ATG2B: variants seen among roughly 807,000 people sequenced by gnomAD.
ATG2B encodes autophagy-related protein 2 homolog B.
In ATG2B, 121 loss-of-function variants were observed where a neutral mutation model predicts 241.3. The observed-to-expected ratio is 0.50, with a 90% confidence interval of 0.43 to 0.58. The LOEUF (loss-of-function observed/expected upper bound fraction) is 0.58. ATG2B is among the 20% of genes least tolerant of loss of function. The pLI is 0.00. For synonymous variants in ATG2B, 858 were observed against 876.6 expected, an observed-to-expected ratio of 0.98 and a Z score of 0.37; for missense variants, 2,306 against 2,491.6, an observed-to-expected ratio of 0.93 and a Z score of 1.59.
At chr14:96,340,067 T>TC in intron 6 of ATG2B, among the ~76,000 whole-genome samples, 1 of 107,952 alleles carries the variant, frequency 9.3e-6, no homozygotes, top group Admixed American at 1.0e-4. Context: ...ATATATGCTA[T>TC]ATGTGATATG....
At chr14:96,292,249 T>G in intron 36 of ATG2B, 151 bp from the exon 37 acceptor site, 1 of 500,956 alleles carries the variant, frequency 2.0e-6, no homozygotes, top group South Asian at 3.5e-5. Flanking sequence ...GAGAATGTCT[T>G]TTAGCTCTAT....
At chr14:96,299,763 T>C (rs199921467) in intron 34 of ATG2B, among the ~76,000 whole-genome samples, 1 of 152,310 alleles carries the variant, frequency 6.6e-6, no homozygotes, top group East Asian at 1.9e-4. Flanking sequence ...TCAATGGCAA[T>C]GCAGCTTTTT....
Position 96,281,142 on chromosome 14 carries a change from C to G in ATG2B, c.*4613G>C, listed in dbSNP as rs952529488. 7 of 152,142 alleles carry G rather than the reference C, an allele frequency of 4.6e-5. No individual in the cohort carries two copies. Among genetic ancestry groups the G allele is most frequent in the Admixed American group, 4.6e-4 (7 of 15,282 alleles). 9.4% of individuals were successfully genotyped at this position (152,142 alleles called of 1,614,324 possible). ...TCTGCTATCAGAAGCATCAGGGGCA[C>G]TGGAACATCATTTCCCAATAACAAG... On this transcript the variant is annotated 3_prime_UTR_variant, in exon 42 of 42. Coordinates refer to ENST00000359933, the MANE Select transcript of ATG2B (RefSeq NM_018036.7).
Position 96,317,336 on chromosome 14 carries a change from C to T in ATG2B, c.3038-19G>A, listed in dbSNP as rs768790839. ...TCCTCATCTATGAGAAATAAACATA[C>T]AATTACATTCTGATAGCATATTAAA... On this transcript the variant is annotated intron_variant, in intron 19 of 41. Coordinates refer to ENST00000359933, the MANE Select transcript of ATG2B (RefSeq NM_018036.7). The T allele has an allele frequency of 1.3e-6, 2 of 1,582,876 alleles. No homozygotes were observed. Among genetic ancestry groups the T allele is most frequent in the East Asian group, 2.2e-5 (1 of 44,542 alleles).
In ATG2B at chr14:96,290,742, G is replaced by C. The variant is rs1427493355; in HGVS notation, c.5701+72C>G. ...TTCTAGACTAATGGTCCTCACATAAGTTCTCAAAGGGATAAGAATTACTCA... is the reference window on the plus strand; with the variant it reads ...TTCTAGACTAATGGTCCTCACATAACTTCTCAAAGGGATAAGAATTACTCA... On this transcript the variant is annotated intron_variant, in intron 39 of 41. Coordinates refer to ENST00000359933, the MANE Select transcript of ATG2B (RefSeq NM_018036.7). The surrounding 1 kb of genome is among the most constrained non-coding windows in gnomAD (Gnocchi z 4.4). 1 of 1,563,236 alleles carries C rather than the reference G, an allele frequency of 6.4e-7. No individual in the cohort carries two copies. Among genetic ancestry groups the C allele is most frequent in the African/African-American group, 1.4e-5 (1 of 72,876 alleles).
chr14:96,334,856 A>C (rs1566729677), intron 6 of ATG2B, among the ~76,000 whole-genome samples: 1 of 152,202 alleles, frequency 6.6e-6, no homozygotes, highest in Non-Finnish European at 1.5e-5. Context: ...GACTTTCAAA[A>C]GACTGAAATC....
intron 1 of ATG2B, among the ~76,000 whole-genome samples, chr14:96,361,256 G>C (rs971797994): frequency 6.6e-6 from 1 of 152,170 alleles, no homozygotes; most frequent in Non-Finnish European, 1.5e-5. Flanking sequence ...CCTCACAAAT[G>C]AAAGTGCCTA....
At chr14:96,322,304 A>G in intron 17 of ATG2B, 50 bp from the exon 18 acceptor site, 2 of 1,560,392 alleles carry the variant, frequency 1.3e-6, no homozygotes, top group East Asian at 2.3e-5. Flanking sequence ...TGTTTAAAAT[A>G]GTAGTAGCAT....
intron 28 of ATG2B, among the ~76,000 whole-genome samples, chr14:96,310,143 A>G (rs2120214): frequency 0.26 from 38,896 of 152,032 alleles, 5,276 homozygotes; most frequent in Non-Finnish European, 0.29. Flanking sequence ...CGTGCTTTTT[A>G]TATGTGAGCA....
In ATG2B at chr14:96,362,802, C is replaced by T. The variant is rs752945698; in HGVS notation, c.162+13G>A. 1.9e-6 allele frequency: 3 copies of T among 1,586,588 alleles called. No individual in the cohort carries two copies. In the African/African-American group the frequency reaches 4.1e-5, roughly 21 times the overall value. The stretch of plus-strand genomic sequence containing the variant: ...GAGCGAGCCCCGCCCGGCTCGCCGC[C>T]GGCAGCTCTTACCCATTTGTCCAAG... On this transcript the variant is annotated intron_variant, in intron 1 of 41. Coordinates refer to ENST00000359933, the MANE Select transcript of ATG2B (RefSeq NM_018036.7).
intron 41 of ATG2B, among the ~76,000 whole-genome samples, chr14:96,286,729 C>G (rs1297529278): frequency 6.6e-6 from 1 of 152,070 alleles, no homozygotes; most frequent in Non-Finnish European, 1.5e-5. Context: ...TACCATTTAT[C>G]TAACTCAGAA....
intron 1 of ATG2B, among the ~76,000 whole-genome samples, chr14:96,349,874 G>C (rs1339092674): frequency 6.6e-6 from 1 of 152,086 alleles, no homozygotes; most frequent in Non-Finnish European, 1.5e-5. Flanking sequence ...AAACACAGAG[G>C]GTAGGTCAGG....
rs148381313 is a variant in ATG2B at position 96,339,120 on chromosome 14, A to T, written c.924+2402T>A. Among the ~76,000 whole-genome samples, 671 of 152,270 alleles carry T rather than the reference A, an allele frequency of 4.4e-3. 25 individuals carry two copies. In the South Asian group the frequency reaches 0.067, roughly 15 times the overall value. ...AAGAATGGCCATAATTAAAAAGTCA[A>T]AAAACAATAGATGTTGGGATGGACA... On this transcript the variant is annotated intron_variant, in intron 6 of 41. Transcript: ENST00000359933.
Position 96,317,162 on chromosome 14 carries a change from C to T in ATG2B, c.3193G>A (p.Val1065Met), listed in dbSNP as rs1417101326. The change falls in exon 20 of 42, where the codon GTG becomes ATG. Residue 1065 changes from valine (V) to methionine (M), a missense_variant. By Grantham distance (21) the Val-to-Met change is conservative. Coordinates refer to ENST00000359933, the MANE Select transcript of ATG2B (RefSeq NM_018036.7). Reference protein sequence around the residue: ...LLNINHGLIAVFTDVKQDNGD... With the variant: ...LLNINHGLIAMFTDVKQDNGD... ...AACCTCACCTTCACATCTGTGAACA[C>T]TGCTATTAATCCATGATTAATATTC... 8 of 1,611,708 alleles carry T rather than the reference C, an allele frequency of 5.0e-6. 1 individual carries two copies. The South Asian group carries it at 8.8e-5, about 18-fold the overall frequency.
intron 8 of ATG2B, 70 bp from the exon 9 acceptor site, chr14:96,332,725 T>C (rs1887774167): frequency 8.1e-7 from 1 of 1,233,720 alleles, no homozygotes; most frequent in Non-Finnish European, 1.1e-6. Flanking sequence ...TAAGTTAATA[T>C]ACGTTAATAC....
Position 96,357,196 on chromosome 14 carries a change from T to G in ATG2B, c.162+5619A>C, listed in dbSNP as rs149639865. ...TACCTAGTTCCTAGGACCACTCACCTTTTTTGAAATTCTAACTTCCCTTGA... is the reference window on the plus strand; with the variant it reads ...TACCTAGTTCCTAGGACCACTCACCGTTTTTGAAATTCTAACTTCCCTTGA... On this transcript the variant is annotated intron_variant, in intron 1 of 41. Transcript: ENST00000359933. 1.0e-3 allele frequency among the ~76,000 whole-genome samples: 155 copies of G among 152,312 alleles called. 4 individuals carry two copies. The highest frequency in any genetic ancestry group is 3.4e-3 in the African/African-American group (142 of 41,576).
In ATG2B at chr14:96,331,411, T is replaced by G; in HGVS notation, c.1695A>C (p.Ala565=). 6.2e-7 allele frequency: 1 copy of G among 1,614,000 alleles called. No individual in the cohort carries two copies. Residue 565 remains alanine, a synonymous_variant, in exon 11 of 42, where the codon GCA becomes GCC. Coordinates refer to ENST00000359933, the MANE Select transcript of ATG2B (RefSeq NM_018036.7). ...FSTEDFKSFR[A]VFAEACSHDH... Reference sequence around the variant, plus strand: ...CGTGTGAGCAAGCTTCTGCAAACACTGCTCGGAAAGACTTAAAATCTTCTG... The same window carrying G: ...CGTGTGAGCAAGCTTCTGCAAACACGGCTCGGAAAGACTTAAAATCTTCTG...
chr14:96,332,903 A>C (rs909197679), intron 8 of ATG2B, among the ~76,000 whole-genome samples: 3 of 152,164 alleles, frequency 2.0e-5, no homozygotes, highest in Non-Finnish European at 4.4e-5. Context: ...TTTGTTTTAA[A>C]TATATAAATG....
At chr14:96,351,291 A>T (rs1443256631) in intron 1 of ATG2B, among the ~76,000 whole-genome samples, 1 of 152,226 alleles carries the variant, frequency 6.6e-6, no homozygotes, top group Non-Finnish European at 1.5e-5. Context: ...ATCATTAAGA[A>T]ATTTATTTCC....
Sources: gnomAD v4.1 joint callset for allele counts (sites outside exome capture counted in the v4.1 genomes callset) on GRCh38, gnomAD v4.1.1 for gene constraint, Gnocchi (gnomAD v3.1) non-coding constraint, MANE v1.5 for transcripts, NCBI Gene and HGNC (gene_info 2026-07-23, HGNC 2026-07-21) for gene names.